The following NCOA2 variants were observed in gnomAD, a reference collection of about 807,000 sequenced individuals.
NCOA2 encodes the protein class E basic helix-loop-helix protein 75.
Under a neutral mutation model 145.1 loss-of-function variants are expected in NCOA2, and 21 were observed. That is an observed-to-expected ratio of 0.14 (90% CI 0.10 to 0.21). The LOEUF (loss-of-function observed/expected upper bound fraction) is 0.21. Among genes scored for constraint, NCOA2 ranks in the 10% least tolerant of loss-of-function variants. The pLI is 1.00. For missense variants in NCOA2, 1,472 were observed against 1,837.6 expected (o/e 0.80, Z 3.64); for synonymous variants, 619 against 637.5 (o/e 0.97, Z 0.44).
At chr8:70,126,134 G>A (rs549948687) in intron 19 of NCOA2, among the ~76,000 whole-genome samples, 1 of 151,788 alleles carries the variant, frequency 6.6e-6, no homozygotes, top group Admixed American at 6.6e-5. Context: ...AGTCATTTTT[G>A]AATATTAACA....
chr8:70,185,647 G>C (rs1291717443), intron 4 of NCOA2, among the ~76,000 whole-genome samples: 3 of 152,152 alleles, frequency 2.0e-5, no homozygotes, highest in Non-Finnish European at 4.4e-5. Context: ...AACAACTCCA[G>C]AGGCAGGCTC....
chr8:70,154,428 T>C (rs970150276), intron 11 of NCOA2, among the ~76,000 whole-genome samples: 2 of 152,200 alleles, frequency 1.3e-5, no homozygotes, highest in African/African-American at 4.8e-5. Flanking sequence ...GTTTTAATTT[T>C]TTGAGACAGG....
intron 8 of NCOA2, 57 bp from the exon 9 acceptor site, chr8:70,162,911 ATTTTTT>A (rs10641831): frequency 2.6e-5 from 24 of 921,890 alleles, no homozygotes; most frequent in East Asian, 6.5e-5. Flanking sequence ...TATGGAAATA[ATTTTTT>A]TTTTTTTTTT....
chr8:70,373,243 T>A (rs1395657007), intron 1 of NCOA2, among the ~76,000 whole-genome samples: 1 of 152,188 alleles, frequency 6.6e-6, no homozygotes, highest in Admixed American at 6.5e-5. Flanking sequence ...TGCTTCATAG[T>A]CTCCCCTGCA....
chr8:70,399,926 C>T (rs1343050595), intron 1 of NCOA2, among the ~76,000 whole-genome samples: 1 of 152,178 alleles, frequency 6.6e-6, no homozygotes, highest in African/African-American at 2.4e-5. Flanking sequence ...GAAACAGCTA[C>T]GGTACTGAAT....
chr8:70,402,249 A>C (rs1814337576), intron 1 of NCOA2: 1 of 149,704 alleles, frequency 6.7e-6, no homozygotes, highest in Admixed American at 6.7e-5. Context: ...GTGGGAGGGG[A>C]AGGCGTCGGA....
chr8:70,286,845 T>A (rs1051957044), intron 2 of NCOA2, among the ~76,000 whole-genome samples: 15 of 152,178 alleles, frequency 9.9e-5, no homozygotes, highest in Non-Finnish European at 1.9e-4. Flanking sequence ...AGAGAAAGGA[T>A]GGCCTATTTT....
rs1810857283 is a variant in NCOA2 at position 70,144,950 on chromosome 8, G to A, written c.2606-102C>T. On this transcript the variant is annotated intron_variant, in intron 12 of 22. Coordinates refer to ENST00000452400, the MANE Select transcript of NCOA2 (RefSeq NM_006540.4). ...AATGTCTGTAAAATGACAAAGGTAT[G>A]TATGTCAGGGACCAACTACCTAGAT... The A allele has an allele frequency of 8.6e-6, 9 of 1,041,038 alleles. No homozygotes were observed. The South Asian group carries it at 1.2e-4, about 13-fold the overall frequency. The allele number at this position is 1,041,038 out of a possible 1,614,324, so 64.5% of individuals were successfully genotyped here.
At chr8:70,420,519 C>A in the NCOA2 span, among the ~76,000 whole-genome samples, 1 of 152,226 alleles carries the variant, frequency 6.6e-6, no homozygotes, top group East Asian at 1.9e-4. Context: ...GAAAATAAAG[C>A]GAGGTCTCTA....
intron 2 of NCOA2, among the ~76,000 whole-genome samples, chr8:70,283,355 G>C (rs1826020428): frequency 6.6e-6 from 1 of 152,174 alleles, no homozygotes; most frequent in African/African-American, 2.4e-5. Context: ...ATTTAAAATG[G>C]TCATTGATGA....
chr8:70,419,135 T>G, the NCOA2 span, among the ~76,000 whole-genome samples: 1 of 152,058 alleles, frequency 6.6e-6, no homozygotes, highest in African/African-American at 2.4e-5. Flanking sequence ...TCCAGATTCT[T>G]TATTGAACAA....
intron 3 of NCOA2, 63 bp downstream of exon 3, chr8:70,216,597 C>A: frequency 7.5e-7 from 1 of 1,325,174 alleles, no homozygotes; most frequent in Non-Finnish European, 1.1e-6. Context: ...GCTAAAATAA[C>A]AAAGAAGCAC....
rs182406439 is a variant in NCOA2, at chr8:70,162,953, C to G, written c.833-99G>C. The G allele has an allele frequency of 4.9e-6, 6 of 1,219,066 alleles. No individual in the cohort carries two copies. In the South Asian group the frequency reaches 9.8e-5, roughly 20 times the overall value. The allele number at this position is 1,219,066 out of a possible 1,614,324, so 75.5% of individuals were successfully genotyped here. Reference sequence around the variant, plus strand: ...TTTTTGAGACAGAGTCTCACTCTATCGTCCAGGCTGGAGTGCAGTGGTGCG... The same window carrying G: ...TTTTTGAGACAGAGTCTCACTCTATGGTCCAGGCTGGAGTGCAGTGGTGCG... On this transcript the variant is annotated intron_variant, in intron 8 of 22. Coordinates refer to ENST00000452400, the MANE Select transcript of NCOA2 (RefSeq NM_006540.4).
At chr8:70,307,220 C>CAAAAAAAAAAAAAAAAAAAAAA (rs57161747) in intron 1 of NCOA2, among the ~76,000 whole-genome samples, 11 of 71,632 alleles carry the variant, frequency 1.5e-4, no homozygotes, top group African/African-American at 2.7e-4. Context: ...CCTACATAAG[C>CAAAAAAAAAAAAAAAAAAAAAA]AAAAAAAAAA....
At chr8:70,415,291 T>C in the NCOA2 span, among the ~76,000 whole-genome samples, 2 of 151,114 alleles carry the variant, frequency 1.3e-5, no homozygotes, top group Non-Finnish European at 2.9e-5. Context: ...TTCACACCAC[T>C]GCACTCCAGC....
intron 1 of NCOA2, among the ~76,000 whole-genome samples, chr8:70,299,824 AG>A (rs1271544748): frequency 6.6e-6 from 1 of 152,212 alleles, no homozygotes; most frequent in Non-Finnish European, 1.5e-5. Flanking sequence ...CCATACAAAG[AG>A]CTGAATGGAA....
intron 1 of NCOA2, among the ~76,000 whole-genome samples, chr8:70,346,879 C>A (rs1209737248): frequency 2.0e-5 from 3 of 152,196 alleles, no homozygotes; most frequent in African/African-American, 7.2e-5. Flanking sequence ...GACATTTCAT[C>A]AGTTCAGTTT....
chr8:70,276,313 C>T (rs561839291), intron 2 of NCOA2, among the ~76,000 whole-genome samples: 14 of 152,192 alleles, frequency 9.2e-5, no homozygotes, highest in African/African-American at 2.9e-4. Context: ...AGATGAGAAA[C>T]TTGCTCTTAG....
At chr8:70,224,192 TA>T (rs1001027361) in intron 2 of NCOA2, among the ~76,000 whole-genome samples, 2 of 152,206 alleles carry the variant, frequency 1.3e-5, no homozygotes, top group African/African-American at 4.8e-5. Flanking sequence ...TCCCCGAAGA[TA>T]AGCAAATATT....
Sources: gnomAD v4.1 joint callset for allele counts (sites outside exome capture counted in the v4.1 genomes callset) on GRCh38, gnomAD v4.1.1 for gene constraint, MANE v1.5 for transcripts, NCBI Gene and HGNC (gene_info 2026-07-23, HGNC 2026-07-21) for gene names.